Variants in UGT1A10 observed in about 807,000 individuals in gnomAD.
UGT1A10 encodes UDP glucuronosyltransferase family 1 member A10.
Under a neutral mutation model 45.8 loss-of-function variants are expected in UGT1A10, and 49 were observed. The ratio of observed to expected loss-of-function variants is 1.07; its 90% confidence interval spans 0.85 to 1.36. UGT1A10 has a LOEUF of 1.36. Among genes scored for constraint, UGT1A10 ranks in the 40% most tolerant of loss-of-function variants. UGT1A10 has a pLI of 0.00. For missense variants in UGT1A10, 745 were observed against 668.6 expected (o/e 1.11, Z -1.26); for synonymous variants, 284 against 249.7 (o/e 1.14, Z -1.29).
At chr2:233,642,092 T>C (rs2073468309) in intron 1 of UGT1A10, among the ~76,000 whole-genome samples, 1 of 152,200 alleles carries the variant, frequency 6.6e-6, no homozygotes, top group African/African-American at 2.4e-5. Context: ...TTGAATAAAC[T>C]TTCTACTCCT....
At chr2:233,651,945 C>A (rs1817154) in intron 1 of UGT1A10, among the ~76,000 whole-genome samples, 115,656 of 152,034 alleles carry the variant, frequency 0.76, 44,099 homozygotes, top group Non-Finnish European at 0.8. Flanking sequence ...ATACTTTAAC[C>A]AAGATAGCAG....
chr2:233,719,487 A>C lies in UGT1A10; in HGVS notation c.856-47547A>C, dbSNP rs138822211. The C allele has an allele frequency of 3.9e-4, 633 of 1,613,068 alleles. 2 individuals are homozygous for C. Among genetic ancestry groups the C allele is most frequent in the African/African-American group, 3.8e-3 (282 of 75,012 alleles). ...GCTCTACCCTCTGGCCCTGTCCTAC[A>C]TTTGCCATACTTTTTCTGCCCCTTA... On this transcript the variant is annotated intron_variant, in intron 1 of 4. Coordinates refer to ENST00000344644, the MANE Select transcript of UGT1A10 (RefSeq NM_019075.4).
At chr2:233,674,954 T>C (rs933567477) in intron 1 of UGT1A10, among the ~76,000 whole-genome samples, 1 of 152,202 alleles carries the variant, frequency 6.6e-6, no homozygotes, top group African/African-American at 2.4e-5. Flanking sequence ...TACATCTTGC[T>C]GGGAAACAGG....
chr2:233,668,057 A>AC (rs2074112855), intron 1 of UGT1A10, among the ~76,000 whole-genome samples: 2 of 99,794 alleles, frequency 2.0e-5, no homozygotes, highest in African/African-American at 1.1e-4. Flanking sequence ...TTTACTGTGC[A>AC]CATTTTTTTT....
At chr2:233,728,043 T>A (rs116287140) in intron 1 of UGT1A10, among the ~76,000 whole-genome samples, 14 of 152,218 alleles carry the variant, frequency 9.2e-5, no homozygotes, top group African/African-American at 3.1e-4. Context: ...AGGATAAGCC[T>A]CATTGGGCTT....
chr2:233,687,690 C>T (rs1385229138), intron 1 of UGT1A10, among the ~76,000 whole-genome samples: 1 of 151,794 alleles, frequency 6.6e-6, no homozygotes, highest in South Asian at 2.1e-4. Context: ...ATCACTTAAG[C>T]CCAGGAGTTT....
At chr2:233,719,477 C>T in intron 1 of UGT1A10, 5 of 1,613,988 alleles carry the variant, frequency 3.1e-6, no homozygotes, top group East Asian at 4.5e-5. Flanking sequence ...ACCCTCTGGC[C>T]CTGTCCTACA....
At chr2:233,664,448 C>G (rs540189715) in intron 1 of UGT1A10, among the ~76,000 whole-genome samples, 1 of 152,252 alleles carries the variant, frequency 6.6e-6, no homozygotes, top group East Asian at 1.9e-4. Flanking sequence ...ATGCCTGAGA[C>G]TGGGTAATTT....
intron 1 of UGT1A10, chr2:233,729,792 C>A (rs370250320): frequency 4.3e-6 from 7 of 1,613,982 alleles, no homozygotes; most frequent in East Asian, 2.2e-5. Flanking sequence ...CCCTGTCCTA[C>A]ATTTGCCATG....
chr2:233,658,018 CT>C (rs34352422), intron 1 of UGT1A10, among the ~76,000 whole-genome samples: 53,445 of 127,862 alleles, frequency 0.42, 9,139 homozygotes, highest in Non-Finnish European at 0.47. Context: ...GTTTCCTCCT[CT>C]TTTTTTTTTT....
intron 1 of UGT1A10, chr2:233,761,142 A>G: frequency 5.0e-6 from 8 of 1,614,232 alleles, no homozygotes; most frequent in Non-Finnish European, 5.9e-6. Context: ...ACCAAAATCC[A>G]CTATCCCAGG....
At chr2:233,662,920 T>C (rs966332292) in intron 1 of UGT1A10, among the ~76,000 whole-genome samples, 2 of 152,118 alleles carry the variant, frequency 1.3e-5, no homozygotes, top group African/African-American at 2.4e-5. Context: ...TTTATTTATA[T>C]GGTATGTTAC....
chr2:233,701,601 A>T, intron 1 of UGT1A10, among the ~76,000 whole-genome samples: 1 of 152,142 alleles, frequency 6.6e-6, no homozygotes, highest in Non-Finnish European at 1.5e-5. Context: ...GAAGTAAAGC[A>T]CTCCTCAGCA....
chr2:233,675,598 A>G (rs1409692830), intron 1 of UGT1A10, among the ~76,000 whole-genome samples: 1 of 152,156 alleles, frequency 6.6e-6, no homozygotes, highest in Non-Finnish European at 1.5e-5. Flanking sequence ...GACAAGACTA[A>G]GGCCTCCCAC....
intron 1 of UGT1A10, among the ~76,000 whole-genome samples, chr2:233,684,425 C>T (rs2074679890): frequency 6.6e-6 from 1 of 152,212 alleles, no homozygotes; most frequent in South Asian, 2.1e-4. Context: ...GCCTCACCCT[C>T]TAGCCAAGTG....
At chr2:233,766,444 G>A (rs1260169711) in intron 1 of UGT1A10, among the ~76,000 whole-genome samples, 1 of 152,210 alleles carries the variant, frequency 6.6e-6, no homozygotes, top group African/African-American at 2.4e-5. Context: ...CTGTGTGTCT[G>A]CCTGCTAGGG....
chr2:233,753,314 G>A (rs1425498826), intron 1 of UGT1A10: 1 of 152,252 alleles, frequency 6.6e-6, no homozygotes, highest in Non-Finnish European at 1.5e-5. Context: ...GTGCCCCTGT[G>A]GGATGGTGCC....
At chr2:233,698,370 A>G (rs531245162) in intron 1 of UGT1A10, among the ~76,000 whole-genome samples, 3 of 152,340 alleles carry the variant, frequency 2.0e-5, no homozygotes, top group African/African-American at 7.2e-5. Flanking sequence ...AATGCCATGA[A>G]ATTGTTCACT....
chr2:233,661,334 A>T (rs946228646), intron 1 of UGT1A10, among the ~76,000 whole-genome samples: 10 of 152,100 alleles, frequency 6.6e-5, no homozygotes, highest in Non-Finnish European at 1.2e-4. Context: ...TGCTGTCATT[A>T]CCATTACCAC....
Sources: allele counts gnomAD v4.1 joint callset (sites outside exome capture counted in the v4.1 genomes callset), GRCh38; gene constraint gnomAD v4.1.1; transcripts MANE v1.5; gene names NCBI Gene and HGNC (gene_info 2026-07-23, HGNC 2026-07-21).